The following RAB6A variants were observed in gnomAD, a reference collection of about 807,000 sequenced individuals.
RAB6A encodes the protein RAB6A, member RAS oncogene family, also known as ras-related protein Rab-6A.
In RAB6A, 8 loss-of-function variants were observed where a neutral mutation model predicts 32.3. The ratio of observed to expected loss-of-function variants is 0.25; its 90% CI spans 0.15 to 0.45. The LOEUF (loss-of-function observed/expected upper bound fraction) is 0.45. Ranked by LOEUF, RAB6A falls within the 20% of genes least tolerant of loss-of-function variation. The probability of loss-of-function intolerance (pLI) is 1.00; values close to 1 mark genes in which losing one functional copy is unlikely to be tolerated. For missense variants in RAB6A, 104 were observed against 249.4 expected (o/e 0.42, Z 3.93); for synonymous variants, 73 against 82.1 (o/e 0.89, Z 0.60).
intron 1 of RAB6A, among the ~76,000 whole-genome samples, chr11:73,753,292 C>T (rs1249469563): frequency 1.3e-5 from 2 of 152,028 alleles, no homozygotes; most frequent in Non-Finnish European, 2.9e-5. Flanking sequence ...CTCTGCCTCC[C>T]GGGCTCAAGT....
chr11:73,707,674 T>C (rs1480805457), intron 5 of RAB6A, among the ~76,000 whole-genome samples, 161 bp from the exon 6 acceptor site: 2 of 152,246 alleles, frequency 1.3e-5, no homozygotes. Context: ...GAAATTTGTG[T>C]GTTTCTGTGT....
chr11:73,695,434 C>G (rs1013801022), intron 6 of RAB6A, among the ~76,000 whole-genome samples: 4 of 151,494 alleles, frequency 2.6e-5, no homozygotes, highest in Admixed American at 2.0e-4. Context: ...GGCTGGAATA[C>G]AGTGGCGCAA....
At position 73,715,077 on chromosome 11, in the gene RAB6A, T is replaced by G. The variant is rs1419540198; in HGVS notation, c.401+1174A>C. On this transcript the variant is annotated intron_variant, in intron 5 of 7. Coordinates refer to ENST00000336083, the MANE Select transcript of RAB6A (RefSeq NM_198896.2). ...ATATTTTTATAAAGAAAAGATGCAA[T>G]CACTTTGAATTTACTTTTAAATTAA... 2.6e-5 allele frequency among the ~76,000 whole-genome samples: 4 copies of G among 152,216 alleles called. No homozygotes were observed. The South Asian group carries it at 8.3e-4, about 31-fold the overall frequency.
intron 5 of RAB6A, among the ~76,000 whole-genome samples, chr11:73,709,000 C>G (rs1447060481): frequency 6.6e-6 from 1 of 152,160 alleles, no homozygotes; most frequent in Non-Finnish European, 1.5e-5. Flanking sequence ...CTTGTGTTAT[C>G]TTCTCATTCT....
At chr11:73,693,136 A>C (rs576088019) in intron 6 of RAB6A, among the ~76,000 whole-genome samples, 6 of 152,034 alleles carry the variant, frequency 3.9e-5, no homozygotes, top group African/African-American at 1.4e-4. Context: ...AAAAATACAA[A>C]AATTAGCCAT....
At chr11:73,735,945 G>GAC (rs1565372259) in intron 1 of RAB6A, among the ~76,000 whole-genome samples, 3 of 129,626 alleles carry the variant, frequency 2.3e-5, no homozygotes, top group African/African-American at 5.4e-5. Context: ...AAAAGAGAGA[G>GAC]AGAGACAGAG....
At chr11:73,717,375 A>C (rs1946067694) in intron 4 of RAB6A, among the ~76,000 whole-genome samples, 1 of 152,196 alleles carries the variant, frequency 6.6e-6, no homozygotes, top group Non-Finnish European at 1.5e-5. Flanking sequence ...TTAAAAATTT[A>C]AAAAGAAAGC....
chr11:73,699,019 T>C (rs1465252416), intron 6 of RAB6A, among the ~76,000 whole-genome samples: 1 of 151,894 alleles, frequency 6.6e-6, no homozygotes, highest in Non-Finnish European at 1.5e-5. Flanking sequence ...ACCCAGCTAA[T>C]TTTTTGTATT....
At chr11:73,693,835 G>A (rs535189133) in intron 6 of RAB6A, among the ~76,000 whole-genome samples, 4 of 151,318 alleles carry the variant, frequency 2.6e-5, no homozygotes, top group Admixed American at 6.6e-5. Flanking sequence ...TTATGATGGC[G>A]CCATTGCACT....
chr11:73,723,929 T>C (rs1946178850), intron 2 of RAB6A, among the ~76,000 whole-genome samples: 1 of 152,188 alleles, frequency 6.6e-6, no homozygotes. Flanking sequence ...TGTAAACCAG[T>C]ACCCTGCATT....
chr11:73,758,428 T>C (rs1187855769), intron 1 of RAB6A, among the ~76,000 whole-genome samples: 1 of 152,050 alleles, frequency 6.6e-6, no homozygotes, highest in Non-Finnish European at 1.5e-5. Context: ...GATGTGTGGG[T>C]ATATGGGAAC....
At chr11:73,684,755 CAG>C (rs1037691795) in intron 6 of RAB6A, among the ~76,000 whole-genome samples, 3 of 148,984 alleles carry the variant, frequency 2.0e-5, no homozygotes, top group African/African-American at 7.4e-5. Flanking sequence ...AAAGATTTCA[CAG>C]GGAAGAGTTT....
intron 6 of RAB6A, among the ~76,000 whole-genome samples, chr11:73,685,991 T>C (rs1307271180): frequency 6.6e-6 from 1 of 151,686 alleles, no homozygotes; most frequent in East Asian, 1.9e-4. Context: ...ACAGAGAATT[T>C]TGCCAAATGT....
At chr11:73,699,131 G>A (rs1018468180) in intron 6 of RAB6A, among the ~76,000 whole-genome samples, 35 of 152,154 alleles carry the variant, frequency 2.3e-4, no homozygotes, top group African/African-American at 8.0e-4. Flanking sequence ...GGGATTACAT[G>A]TTTGAGCCAC....
intron 5 of RAB6A, among the ~76,000 whole-genome samples, chr11:73,714,695 G>A (rs1456589340): frequency 6.6e-6 from 1 of 151,954 alleles, no homozygotes; most frequent in African/African-American, 2.4e-5. Context: ...AAAGGTACTG[G>A]CAGGGCGCGG....
At chr11:73,698,618 G>A (rs1359768036) in intron 6 of RAB6A, among the ~76,000 whole-genome samples, 2 of 152,002 alleles carry the variant, frequency 1.3e-5, no homozygotes, top group Non-Finnish European at 2.9e-5. Context: ...TTGTTACATA[G>A]ATTCCTTCTT....
intron 6 of RAB6A, among the ~76,000 whole-genome samples, chr11:73,680,570 T>G (rs1945339382): frequency 6.6e-6 from 1 of 151,692 alleles, no homozygotes; most frequent in East Asian, 1.9e-4. Flanking sequence ...GAGAATCACT[T>G]GAACCTGGGA....
chr11:73,721,582 A>T (rs1402404710), intron 2 of RAB6A, among the ~76,000 whole-genome samples: 2 of 152,206 alleles, frequency 1.3e-5, no homozygotes, highest in Non-Finnish European at 2.9e-5. Flanking sequence ...AAGGAAAAAA[A>T]GTATACAAGT....
chr11:73,744,933 C>T (rs1430708417), intron 1 of RAB6A, among the ~76,000 whole-genome samples: 1 of 151,476 alleles, frequency 6.6e-6, no homozygotes, highest in Admixed American at 6.6e-5. Context: ...CGAGATCGCG[C>T]CACTGCACTC....
Sources: gnomAD v4.1 joint callset for allele counts (sites outside exome capture counted in the v4.1 genomes callset) on GRCh38, gnomAD v4.1.1 for gene constraint, MANE v1.5 for transcripts, NCBI Gene and HGNC (gene_info 2026-07-23, HGNC 2026-07-21) for gene names.